STXBP6: variants seen among roughly 807,000 people sequenced by gnomAD.
STXBP6 encodes syntaxin-binding protein 6.
A neutral mutation model predicts 26.9 loss-of-function variants in STXBP6; 21 were observed. The observed-to-expected ratio is 0.78, with a 90% confidence interval of 0.55 to 1.12. STXBP6 has a LOEUF of 1.12. Among genes scored for constraint, STXBP6 ranks in the 50% most tolerant of loss-of-function variants. The pLI is 0.00. For missense variants in STXBP6, 232 were observed against 257.9 expected (o/e 0.90, Z 0.69); for synonymous variants, 97 against 92.6 (o/e 1.05, Z -0.27).
chr14:25,010,730 A>G (rs1418538230), intron 1 of STXBP6: 1 of 152,198 alleles, frequency 6.6e-6, no homozygotes, highest in Non-Finnish European at 1.5e-5. Flanking sequence ...CCATCATCAT[A>G]TACTACATGC....
intron 4 of STXBP6, among the ~76,000 whole-genome samples, chr14:24,840,770 T>C (rs1174366941): frequency 6.6e-6 from 1 of 152,192 alleles, no homozygotes; most frequent in Non-Finnish European, 1.5e-5. Flanking sequence ...TTTGGATAAT[T>C]TTCAAGAAAA....
intron 2 of STXBP6, among the ~76,000 whole-genome samples, chr14:24,953,397 A>G (rs1199900443): frequency 5.3e-5 from 8 of 152,158 alleles, no homozygotes; most frequent in African/African-American, 1.7e-4. Flanking sequence ...AGCCTCCCTC[A>G]ACATCACTCT....
At chr14:24,846,702 C>G (rs1214201096) in intron 4 of STXBP6, among the ~76,000 whole-genome samples, 1 of 152,116 alleles carries the variant, frequency 6.6e-6, no homozygotes, top group Non-Finnish European at 1.5e-5. Context: ...TTGCAATGAA[C>G]CTAGTCCTGG....
chr14:25,002,788 A>G (rs1420835466), intron 1 of STXBP6, among the ~76,000 whole-genome samples: 4 of 150,864 alleles, frequency 2.7e-5, no homozygotes, highest in Non-Finnish European at 5.9e-5. Flanking sequence ...TTTTTCTAAG[A>G]TGGAGTTTCA....
At chr14:24,819,846 A>T (rs1433588270) in intron 4 of STXBP6, among the ~76,000 whole-genome samples, 1 of 152,042 alleles carries the variant, frequency 6.6e-6, no homozygotes. Context: ...GGGACTCCTT[A>T]CCTCTGATCT....
chr14:24,945,080 C>T (rs1020303422), intron 2 of STXBP6, among the ~76,000 whole-genome samples: 1 of 141,330 alleles, frequency 7.1e-6, no homozygotes, highest in Non-Finnish European at 1.5e-5. Flanking sequence ...CAAGGGCTCA[C>T]AATTTATTGG....
intron 4 of STXBP6, among the ~76,000 whole-genome samples, chr14:24,852,918 T>C (rs1215028884): frequency 4.6e-5 from 7 of 152,150 alleles, no homozygotes; most frequent in African/African-American, 1.7e-4. Flanking sequence ...CTTTACGACT[T>C]ACTAGTTATA....
intron 2 of STXBP6, among the ~76,000 whole-genome samples, chr14:24,952,309 A>G (rs978001677): frequency 2.6e-5 from 4 of 151,842 alleles, no homozygotes; most frequent in African/African-American, 9.7e-5. Flanking sequence ...CTTAAAAAAA[A>G]AAAAAAGACA....
intron 2 of STXBP6, among the ~76,000 whole-genome samples, chr14:24,917,202 C>T (rs536090784): frequency 2.0e-5 from 3 of 151,972 alleles, no homozygotes; most frequent in Non-Finnish European, 2.9e-5. Context: ...GTTAACAACT[C>T]GGCACAATTT....
At chr14:24,955,279 G>C (rs1325330061) in intron 2 of STXBP6, among the ~76,000 whole-genome samples, 1 of 152,032 alleles carries the variant, frequency 6.6e-6, no homozygotes, top group Non-Finnish European at 1.5e-5. Flanking sequence ...CAACCTCCTG[G>C]GGATGGCTAC....
intron 1 of STXBP6, among the ~76,000 whole-genome samples, chr14:25,007,209 C>T (rs1026353519): frequency 4.6e-5 from 7 of 152,154 alleles, no homozygotes; most frequent in African/African-American, 1.4e-4. Context: ...ATTTGTTGAA[C>T]GAATACAATT....
intron 2 of STXBP6, among the ~76,000 whole-genome samples, chr14:24,950,270 T>C (rs1056240582): frequency 6.6e-5 from 10 of 152,210 alleles, no homozygotes; most frequent in African/African-American, 1.9e-4. Context: ...GAAATCTGTT[T>C]GGTATTATAC....
intron 2 of STXBP6, among the ~76,000 whole-genome samples, chr14:24,874,055 A>G (rs1306608026): frequency 2.6e-5 from 4 of 152,226 alleles, no homozygotes; most frequent in Admixed American, 2.6e-4. Flanking sequence ...TAAAGTTAGT[A>G]TTCACTGAGC....
chr14:24,837,463 C>T (rs533367737), intron 4 of STXBP6, among the ~76,000 whole-genome samples: 1 of 152,242 alleles, frequency 6.6e-6, no homozygotes, highest in East Asian at 1.9e-4. Context: ...TCTGTGGACA[C>T]ATTTGTGTAT....
intron 2 of STXBP6, among the ~76,000 whole-genome samples, chr14:24,929,932 C>T (rs1005421759): frequency 6.6e-6 from 1 of 152,166 alleles, no homozygotes; most frequent in African/African-American, 2.4e-5. Flanking sequence ...AATATGTAGC[C>T]TCCCCATCAC....
At chr14:24,859,037 CATTT>C (rs2069440931) in intron 2 of STXBP6, among the ~76,000 whole-genome samples, 1 of 152,134 alleles carries the variant, frequency 6.6e-6, no homozygotes, top group African/African-American at 2.4e-5. Context: ...TAATTTACAG[CATTT>C]TAAAAGCTTC....
chr14:24,995,845 A>G (rs2074588651), intron 1 of STXBP6, among the ~76,000 whole-genome samples: 1 of 152,192 alleles, frequency 6.6e-6, no homozygotes, highest in South Asian at 2.1e-4. Context: ...TTCTAAAGTA[A>G]GCTGTGTACT....
At position 25,049,850 on chromosome 14, in the gene STXBP6, C is replaced by G. The variant is rs1339850081; in HGVS notation, c.-33+28G>C. The G allele has an allele frequency of 1.0e-6, 1 of 985,556 alleles. No individual in the cohort carries two copies. The highest frequency in any genetic ancestry group is 1.2e-6 in the Non-Finnish European group (1 of 830,110). 61.1% of individuals were successfully genotyped at this position (985,556 alleles called of 1,614,324 possible). On this transcript the variant is annotated intron_variant, in intron 1 of 5. Transcript: ENST00000323944. The surrounding 1 kb of genome is among the most constrained non-coding windows in gnomAD (Gnocchi z 5.6). ...TCCCGGGCTTGGCCTCCGCCCTGAC[C>G]GCCTGGCTCCCCTCGCCCCGGTCCT...
At chr14:24,905,754 A>G (rs938415062) in intron 2 of STXBP6, among the ~76,000 whole-genome samples, 3 of 152,218 alleles carry the variant, frequency 2.0e-5, no homozygotes, top group Admixed American at 6.5e-5. Flanking sequence ...TTTATGTGTC[A>G]GTTCCTACCT....
Sources: allele counts gnomAD v4.1 joint callset (sites outside exome capture counted in the v4.1 genomes callset), GRCh38; gene constraint gnomAD v4.1.1; non-coding constraint Gnocchi (gnomAD v3.1); transcripts MANE v1.5; gene names NCBI Gene and HGNC (gene_info 2026-07-23, HGNC 2026-07-21).